The following SDF4 variants were observed in gnomAD, a reference collection of about 807,000 sequenced individuals.
SDF4 encodes stromal cell derived factor 4, also known as 45 kDa calcium-binding protein.
In SDF4, 22 loss-of-function variants were observed where a neutral mutation model predicts 34.2. The ratio of observed to expected loss-of-function variants is 0.64; its 90% confidence interval spans 0.46 to 0.92. The LOEUF is 0.92. Ranked by LOEUF, SDF4 falls within the 40% of genes least tolerant of loss-of-function variation. The pLI is 0.00. For synonymous variants in SDF4, 236 were observed against 203.1 expected (o/e 1.16, Z -1.38); for missense variants, 447 against 499.9 (o/e 0.89, Z 1.01).
In SDF4 at chr1:1,218,591, G is replaced by T. The variant is rs1649682373; in HGVS notation, c.758C>A (p.Ser253Tyr). The change falls in exon 6 of 7, where the codon TCC becomes TAC. Residue 253 changes from serine to tyrosine, a missense_variant. Physicochemically the swap from Ser to Tyr is moderately radical, Grantham distance 144. Transcript: ENST00000360001. This position sits in a 1 kb window ranked among gnomAD's most constrained non-coding sequence, Gnocchi z 7.9. Reference sequence around the variant, plus strand: ...GTTCTCCACGGTGCCCACGGGCAGGGAGATGAACTCGGGCACAGAGAGCTG... The same window carrying T: ...GTTCTCCACGGTGCCCACGGGCAGGTAGATGAACTCGGGCACAGAGAGCTG... Reference protein sequence around the residue: ...DKQLSVPEFISLPVGTVENQQ... With the variant: ...DKQLSVPEFIYLPVGTVENQQ... The T allele has an allele frequency of 1.2e-6, 2 of 1,614,096 alleles. No individual in the cohort carries two copies. The highest frequency in any genetic ancestry group is 4.5e-5 in the East Asian group (2 of 44,888).
chr1:1,225,555 G>A (rs1451789440), intron 2 of SDF4, among the ~76,000 whole-genome samples: 4 of 152,148 alleles, frequency 2.6e-5, no homozygotes, highest in Non-Finnish European at 4.4e-5. Context: ...GGCCTGGGAG[G>A]CACCCTCAGC....
At chr1:1,224,141 G>A (rs141695066) in intron 2 of SDF4, among the ~76,000 whole-genome samples, 173 bp from the exon 3 acceptor site, 68 of 152,238 alleles carry the variant, frequency 4.5e-4, no homozygotes, top group African/African-American at 1.4e-3. Context: ...GTGGGGTGCC[G>A]GGCCACGCCA....
intron 4 of SDF4, chr1:1,220,418 G>C (rs892985148): frequency 8.5e-7 from 1 of 1,176,262 alleles, no homozygotes; most frequent in Non-Finnish European, 1.1e-6. Context: ...ACCCTCGCAG[G>C]AGCCATGCAG....
At chr1:1,224,026 G>A in intron 2 of SDF4, 58 bp from the exon 3 acceptor site, 3 of 1,596,442 alleles carry the variant, frequency 1.9e-6, no homozygotes, top group Non-Finnish European at 2.6e-6. Flanking sequence ...ACCCCGAACA[G>A]CCAGACGGAT....
At chr1:1,229,124 GCCACACGTGGCATTTGTTTTCTCTGGA>G (rs1175782894) in intron 1 of SDF4, among the ~76,000 whole-genome samples, 178 bp from the exon 2 acceptor site, 96 of 151,860 alleles carry the variant, frequency 6.3e-4, no homozygotes, top group African/African-American at 2.1e-3. Flanking sequence ...TTTTCTCCGG[GCCACACGTGGCATTTGTTTTCTCTGGA>G]CCACACGTGG....
intron 3 of SDF4, 105 bp from the exon 4 acceptor site, chr1:1,223,462 T>C: frequency 1.1e-6 from 1 of 873,354 alleles, no homozygotes; most frequent in Middle Eastern, 2.3e-4. Context: ...AGCGGCAGGA[T>C]GCCAGCGTCT....
chr1:1,228,668 C>A lies in SDF4; in HGVS notation c.105G>T (p.Ser35=). ...TGTTGGCTACTCTCTCTCGAGTGGA[C>A]GAGTGGTTGGCAGGCCGTGCAGACG... The part of the protein sequence containing the change: ...MDASARPANH[S]STRERVANRE... Residue 35 remains serine, a synonymous_variant, in exon 2 of 7, where the codon TCG becomes TCT. Transcript: ENST00000360001. 6.2e-7 allele frequency: 1 copy of A among 1,613,062 alleles called. No homozygotes were observed. The highest frequency in any genetic ancestry group is 1.1e-5 in the South Asian group (1 of 91,086).
At chr1:1,220,437 G>A (rs1036162938) in intron 4 of SDF4, 3 of 1,182,182 alleles carry the variant, frequency 2.5e-6, no homozygotes, top group Admixed American at 3.6e-5. Context: ...AGGGAGGGGT[G>A]GGAGGTCGCA....
chr1:1,223,820 C>CCCCCCCCCCCAA lies in SDF4; in HGVS notation c.442+11_442+12insTTGGGGGGGGGG. 2.0e-6 allele frequency: 3 copies of CCCCCCCCCCCAA among 1,515,828 alleles called. No homozygotes were observed. Among genetic ancestry groups the CCCCCCCCCCCAA allele is most frequent in the Non-Finnish European group, 1.8e-6 (2 of 1,117,550 alleles). The allele number at this position is 1,515,828 out of a possible 1,614,324, so 93.9% of individuals were successfully genotyped here. On this transcript the variant is annotated intron_variant, in intron 3 of 6. Coordinates refer to ENST00000360001, the MANE Select transcript of SDF4 (RefSeq NM_016176.6). ...GCCCACCGCCCCACCCACCCCGGCCCAGCCACAGTACCGTCCCCGTCAGGG... is the reference window on the plus strand; with the variant it reads ...GCCCACCGCCCCACCCACCCCGGCCCCCCCCCCCCCAAAGCCACAGTACCGTCCCCGTCAGGG...
chr1:1,218,171 C>T lies in SDF4; in HGVS notation c.891+287G>A, dbSNP rs1459552893. Among the ~76,000 whole-genome samples the T allele has an allele frequency of 1.3e-5, 2 of 152,224 alleles. No homozygotes were observed. The highest frequency in any genetic ancestry group is 6.5e-5 in the Admixed American group (1 of 15,290). On this transcript the variant is annotated intron_variant, in intron 6 of 6. Coordinates refer to ENST00000360001, the MANE Select transcript of SDF4 (RefSeq NM_016176.6). This position sits in a 1 kb window ranked among gnomAD's most constrained non-coding sequence, Gnocchi z 7.9. ...CATGCTGGGCCCAGCATGAGCTTCC[C>T]CTTGTGGTCCCGTTAAAAAGGGGCT...
Position 1,218,800 on chromosome 1 carries a change from C to T in SDF4, c.684G>A (p.Arg228=). The change falls in exon 5 of 7, where the codon AGG becomes AGA. Residue 228 remains arginine, a synonymous_variant. Coordinates refer to ENST00000360001, the MANE Select transcript of SDF4 (RefSeq NM_016176.6). The surrounding 1 kb of genome is among the most constrained non-coding windows in gnomAD (Gnocchi z 7.9). ...CCCGGACGATCTCCTTCACCATGAA[C>T]CTGAGCATTCCCCGGCTGTGCTCGG... The part of the protein sequence containing the change: ...LHPEHSRGML[R]FMVKEIVRDL... The T allele has an allele frequency of 1.2e-6, 2 of 1,610,692 alleles. No individual in the cohort carries two copies. The highest frequency in any genetic ancestry group is 1.7e-6 in the Non-Finnish European group (2 of 1,177,876).
intron 2 of SDF4, among the ~76,000 whole-genome samples, chr1:1,226,787 G>C (rs188344520): frequency 6.6e-6 from 1 of 152,222 alleles, no homozygotes; most frequent in South Asian, 2.1e-4. Context: ...GGTCCAGCTG[G>C]AGACGCACCG....
chr1:1,228,058 C>T (rs1179624323), intron 2 of SDF4, among the ~76,000 whole-genome samples: 2 of 152,252 alleles, frequency 1.3e-5, no homozygotes, highest in African/African-American at 2.4e-5. Context: ...TGTACCAGCT[C>T]TCCAGCCACC....
intron 2 of SDF4, among the ~76,000 whole-genome samples, chr1:1,227,061 C>G (rs1349294500): frequency 6.6e-6 from 1 of 152,038 alleles, no homozygotes; most frequent in East Asian, 1.9e-4. Context: ...TGCCCAGGTC[C>G]TCCAGCTGGC....
rs144030006 is a variant in SDF4 at position 1,218,503 on chromosome 1, G to A, written c.846C>T (p.Leu282=). 26 of 1,613,646 alleles carry A rather than the reference G, an allele frequency of 1.6e-5. No individual in the cohort carries two copies. Among genetic ancestry groups the A allele is most frequent in the African/African-American group, 2.7e-5 (2 of 74,920 alleles). ...VKDRKKEFEE[L]IDSNHDGIVT... is the part of the protein sequence containing the mutation. ...CGATGCCGTCGTGGTTGGAGTCAAT[G>A]AGCTCCTCAAACTCCTTTTTTCTGT... is the stretch of plus-strand genomic sequence containing the variant. Residue 282 remains leucine (L), a synonymous_variant, in exon 6 of 7, where the codon CTC becomes CTT. Transcript: ENST00000360001. The surrounding 1 kb of genome is among the most constrained non-coding windows in gnomAD (Gnocchi z 7.9).
chr1:1,223,193 G>A (rs761559223), intron 4 of SDF4, 51 bp downstream of exon 4: 29 of 1,237,512 alleles, frequency 2.3e-5, no homozygotes, highest in African/African-American at 1.3e-4. Flanking sequence ...ACACACGCGC[G>A]CACACACAGG....
In SDF4 at chr1:1,217,952, C is replaced by T; in HGVS notation, c.892-264G>A. On this transcript the variant is annotated intron_variant, in intron 6 of 6. Coordinates refer to ENST00000360001, the MANE Select transcript of SDF4 (RefSeq NM_016176.6). This position sits in a 1 kb window ranked among gnomAD's most constrained non-coding sequence, Gnocchi z 8.5. ...ACCCCAGTTCTGAAGGATCCCTAAC[C>T]TGGGCCGGGCCCACTGGCTGTCGCC... 1.2e-5 allele frequency: 11 copies of T among 884,464 alleles called. No individual in the cohort carries two copies. Among genetic ancestry groups the T allele is most frequent in the South Asian group, 1.2e-4 (6 of 50,490 alleles). The allele number at this position is 884,464 out of a possible 1,614,324, so 54.8% of individuals were successfully genotyped here. A position where few individuals can be genotyped will look rare whatever the true frequency, so the allele number is the denominator to read the frequency against.
At chr1:1,228,117 A>G (rs938793148) in intron 2 of SDF4, among the ~76,000 whole-genome samples, 2 of 152,214 alleles carry the variant, frequency 1.3e-5, no homozygotes, top group African/African-American at 4.8e-5. Flanking sequence ...CTGGGGCTGC[A>G]GCCTGCGGAG....
At position 1,218,982 on chromosome 1, in the gene SDF4, C is replaced by G; in HGVS notation, c.557-55G>C. 1 of 1,612,462 alleles carries G rather than the reference C, an allele frequency of 6.2e-7. No individual in the cohort carries two copies. The highest frequency in any genetic ancestry group is 8.5e-7 in the Non-Finnish European group (1 of 1,179,794). ...GGCCGACAGACGCCAGCACGCAAATCCAGAAAGTTCCGAGAGGTGCTGCCT... is the reference window on the plus strand; with the variant it reads ...GGCCGACAGACGCCAGCACGCAAATGCAGAAAGTTCCGAGAGGTGCTGCCT... On this transcript the variant is annotated intron_variant, in intron 4 of 6. Transcript: ENST00000360001. This position sits in a 1 kb window ranked among gnomAD's most constrained non-coding sequence, Gnocchi z 7.9.
Sources: allele counts gnomAD v4.1 joint callset (sites outside exome capture counted in the v4.1 genomes callset), GRCh38; gene constraint gnomAD v4.1.1; non-coding constraint Gnocchi (gnomAD v3.1); transcripts MANE v1.5; gene names NCBI Gene and HGNC (gene_info 2026-07-23, HGNC 2026-07-21).